Variants in VTI1A observed in about 807,000 individuals in gnomAD.
VTI1A encodes vesicle transport through interaction with t-SNAREs homolog 1A.
In VTI1A, 22 loss-of-function variants were observed where a neutral mutation model predicts 34.9. That is an observed-to-expected ratio of 0.63 (90% CI 0.45 to 0.90). The LOEUF (loss-of-function observed/expected upper bound fraction) is 0.90. Among genes scored for constraint, VTI1A ranks in the 40% least tolerant of loss-of-function variants. The pLI is 0.00. For synonymous variants in VTI1A, 87 were observed against 97.3 expected, an observed-to-expected ratio of 0.89 and a Z score of 0.62; for missense variants, 268 against 275.6, an observed-to-expected ratio of 0.97 and a Z score of 0.20.
chr10:112,548,870 C>G, intron 5 of VTI1A: 5 of 1,383,598 alleles, frequency 3.6e-6, no homozygotes, highest in Non-Finnish European at 4.9e-6. Flanking sequence ...GAACGGTGAT[C>G]AATCACTTTT....
At chr10:112,722,505 A>G (rs1052610840) in intron 7 of VTI1A, among the ~76,000 whole-genome samples, 11 of 152,346 alleles carry the variant, frequency 7.2e-5, no homozygotes, top group Admixed American at 1.3e-4. Flanking sequence ...AACTTAAAGT[A>G]TAATAATAAA....
chr10:112,546,184 C>T (rs992283805), intron 5 of VTI1A, among the ~76,000 whole-genome samples: 15 of 149,406 alleles, frequency 1.0e-4, no homozygotes, highest in South Asian at 4.3e-4. Context: ...CACACACATA[C>T]GCACACACAT....
chr10:112,574,446 T>C (rs945744937), intron 5 of VTI1A, among the ~76,000 whole-genome samples: 2 of 152,252 alleles, frequency 1.3e-5, no homozygotes, highest in Non-Finnish European at 2.9e-5. Flanking sequence ...AGCAGTCTTA[T>C]TCGTTCATTG....
the VTI1A span, among the ~76,000 whole-genome samples, chr10:112,852,662 G>T: frequency 3.0e-4 from 46 of 152,246 alleles, no homozygotes; most frequent in Non-Finnish European, 5.9e-4. Context: ...CTGCTTCGCA[G>T]TGCAGTGTCC....
At chr10:112,655,459 A>T (rs769843620) in intron 5 of VTI1A, among the ~76,000 whole-genome samples, 4 of 152,146 alleles carry the variant, frequency 2.6e-5, no homozygotes, top group Non-Finnish European at 4.4e-5. Flanking sequence ...GCTTCCTAGG[A>T]TTCAGACCAA....
chr10:112,447,174 G>T, upstream of VTI1A: 1 of 550,284 alleles, frequency 1.8e-6, no homozygotes, highest in Non-Finnish European at 3.2e-6. Context: ...GGAAAATAAA[G>T]CACGCACGCA....
the VTI1A span, among the ~76,000 whole-genome samples, chr10:112,850,637 T>C: frequency 6.6e-6 from 1 of 152,190 alleles, no homozygotes; most frequent in Non-Finnish European, 1.5e-5. Context: ...GACTTGGAAC[T>C]TAATTTTATT....
Position 112,710,226 on chromosome 10 carries a change from G to A in VTI1A, c.560+41228G>A, listed in dbSNP as rs192171379. ...TTAATGTCTTTTTTTTTTTTTCTCC[G>A]AGATGGAGTCTTGCTCTGTCGCCCA... On this transcript the variant is annotated intron_variant, in intron 7 of 7. Coordinates refer to ENST00000393077, the MANE Select transcript of VTI1A (RefSeq NM_145206.4). Among the ~76,000 whole-genome samples the A allele has an allele frequency of 4.7e-3, 614 of 131,996 alleles. 6 individuals carry two copies. The highest frequency in any genetic ancestry group is 0.016 in the African/African-American group (524 of 32,648). 86.6% of individuals were successfully genotyped at this position (131,996 alleles called of 152,430 possible).
At chr10:112,801,369 A>T (rs182254365) in intron 7 of VTI1A, among the ~76,000 whole-genome samples, 1 of 152,308 alleles carries the variant, frequency 6.6e-6, no homozygotes, top group East Asian at 1.9e-4. Flanking sequence ...GACATCTTGT[A>T]TGCAATAAAC....
intron 4 of VTI1A, 86 bp downstream of exon 4, chr10:112,527,250 C>A: frequency 8.5e-7 from 1 of 1,177,756 alleles, no homozygotes; most frequent in Non-Finnish European, 1.3e-6. Context: ...TGCTCCTTAA[C>A]GGTATTAGCA....
the VTI1A span, among the ~76,000 whole-genome samples, chr10:112,829,570 G>C: frequency 3.9e-4 from 59 of 152,198 alleles, no homozygotes; most frequent in African/African-American, 1.4e-3. Flanking sequence ...AGCCAACACG[G>C]TGAAATCCCG....
At position 112,596,515 on chromosome 10, in the gene VTI1A, A is replaced by G. The variant is rs1012117202; in HGVS notation, c.427+58185A>G. On this transcript the variant is annotated intron_variant, in intron 5 of 7. Transcript: ENST00000393077. Reference sequence around the variant, plus strand: ...AATATTGCAGTAGGGATAGTTATTCATAGTTCTTTACATCAAATTCTGGCT... The same window carrying G: ...AATATTGCAGTAGGGATAGTTATTCGTAGTTCTTTACATCAAATTCTGGCT... Among the ~76,000 whole-genome samples the G allele has an allele frequency of 3.4e-4, 52 of 152,280 alleles. 1 individual carries two copies. The highest frequency in any genetic ancestry group is 1.2e-3 in the African/African-American group (51 of 41,560).
intron 7 of VTI1A, among the ~76,000 whole-genome samples, chr10:112,679,887 A>G (rs1050674807): frequency 1.3e-5 from 2 of 152,116 alleles, no homozygotes; most frequent in South Asian, 2.1e-4. Flanking sequence ...AGTGGTTCCT[A>G]TCCTGGAGTG....
chr10:112,469,268 CT>C (rs1363328831), intron 3 of VTI1A, among the ~76,000 whole-genome samples: 1 of 151,982 alleles, frequency 6.6e-6, no homozygotes, highest in East Asian at 1.9e-4. Flanking sequence ...TTCATTATCA[CT>C]TCTCCAAGGA....
intron 5 of VTI1A, among the ~76,000 whole-genome samples, chr10:112,666,243 G>A (rs1019305378): frequency 1.3e-5 from 2 of 152,130 alleles, no homozygotes; most frequent in African/African-American, 4.8e-5. Flanking sequence ...TAATAATAAA[G>A]AGCTGGAATA....
chr10:112,771,013 T>C (rs1381636253), intron 7 of VTI1A, among the ~76,000 whole-genome samples: 2 of 151,156 alleles, frequency 1.3e-5, no homozygotes, highest in East Asian at 4.0e-4. Context: ...ACTGAGTCGT[T>C]TTGAATGGAG....
the VTI1A span, chr10:112,825,157 T>C: frequency 5.9e-5 from 9 of 152,274 alleles, no homozygotes; most frequent in Non-Finnish European, 1.3e-4. Flanking sequence ...GACAGTGGAA[T>C]GTGAACTGGG....
At chr10:112,610,097 G>A (rs558064671) in intron 5 of VTI1A, among the ~76,000 whole-genome samples, 67 of 151,572 alleles carry the variant, frequency 4.4e-4, no homozygotes, top group Non-Finnish European at 2.1e-4. Context: ...AAAATGAGGC[G>A]CATTTAACTG....
At chr10:112,737,048 G>T in intron 7 of VTI1A, 1 of 437,344 alleles carries the variant, frequency 2.3e-6, no homozygotes, top group Non-Finnish European at 4.0e-6. Context: ...ATTACATAGT[G>T]GACAATTTTT....
Sources: gnomAD v4.1 joint callset for allele counts (sites outside exome capture counted in the v4.1 genomes callset) on GRCh38, gnomAD v4.1.1 for gene constraint, MANE v1.5 for transcripts, NCBI Gene and HGNC (gene_info 2026-07-23, HGNC 2026-07-21) for gene names.